MACROD1: variants seen among roughly 807,000 people sequenced by gnomAD.
MACROD1 encodes the protein mono-ADP ribosylhydrolase 1.
MACROD1 carries 31 observed loss-of-function variants against 41.4 expected under a neutral mutation model. The ratio of observed to expected loss-of-function variants is 0.75; its 90% CI spans 0.56 to 1.01. The LOEUF is 1.01. MACROD1 is among the 50% of genes least tolerant of loss of function. The pLI is 0.00. For missense variants in MACROD1, 473 were observed against 460.0 expected (o/e 1.03, Z -0.26); for synonymous variants, 252 against 203.4 (o/e 1.24, Z -2.03).
rs145818898 is a variant in MACROD1 at position 64,120,321 on chromosome 11, G to A, written c.517+30918C>T. Among the ~76,000 whole-genome samples the A allele has an allele frequency of 2.3e-4, 35 of 152,302 alleles. No individual in the cohort carries two copies. The highest frequency in any genetic ancestry group is 1.0e-3 in the South Asian group (5 of 4,822). ...AACTAGACGTGTTTTTCCTTTTCCT[G>A]CCTGAATCATTTTCTCACACAATAA... On this transcript the variant is annotated intron_variant, in intron 3 of 10. Coordinates refer to ENST00000255681, the MANE Select transcript of MACROD1 (RefSeq NM_014067.4). This position sits in a 1 kb window ranked among gnomAD's most constrained non-coding sequence, Gnocchi z 4.5.
intron 3 of MACROD1, among the ~76,000 whole-genome samples, chr11:64,037,270 G>T (rs532392651): frequency 1.5e-4 from 23 of 152,224 alleles, no homozygotes; most frequent in African/African-American, 3.9e-4. Context: ...GGCTGTCTGT[G>T]GGGGGGACCC....
intron 4 of MACROD1, among the ~76,000 whole-genome samples, chr11:64,005,024 T>TTATTTATTTATTTATTTATTTATG (rs1942887482): frequency 6.6e-6 from 1 of 151,188 alleles, no homozygotes; most frequent in Non-Finnish European, 1.5e-5. Flanking sequence ...AAGATCCACT[T>TTATTTATTTATTTATTTATTTATG]TATTTATTTA....
chr11:64,100,786 A>G (rs1208626987), intron 3 of MACROD1, among the ~76,000 whole-genome samples: 1 of 152,156 alleles, frequency 6.6e-6, no homozygotes, highest in Non-Finnish European at 1.5e-5. Flanking sequence ...CCACTTATCC[A>G]GGGCACAGAC....
intron 3 of MACROD1, among the ~76,000 whole-genome samples, chr11:64,087,797 C>T (rs1472538757): frequency 3.3e-5 from 5 of 152,208 alleles, no homozygotes; most frequent in Non-Finnish European, 7.3e-5. Context: ...GGACGCCTGC[C>T]CAGGGCTGGC....
At chr11:64,149,435 C>T (rs1243659557) in intron 3 of MACROD1, among the ~76,000 whole-genome samples, 3 of 152,152 alleles carry the variant, frequency 2.0e-5, no homozygotes, top group Non-Finnish European at 2.9e-5. Flanking sequence ...GGCACTAAAC[C>T]GCTTCTGATG....
intron 3 of MACROD1, among the ~76,000 whole-genome samples, chr11:64,056,304 A>G (rs1590847279): frequency 1.3e-5 from 2 of 152,166 alleles, no homozygotes; most frequent in East Asian, 3.9e-4. Context: ...TGCAGCCCCT[A>G]CACGTTTTGC....
chr11:64,127,844 T>C (rs572698839), intron 3 of MACROD1, among the ~76,000 whole-genome samples: 1 of 152,042 alleles, frequency 6.6e-6, no homozygotes, highest in Non-Finnish European at 1.5e-5. Context: ...GATGTACCCA[T>C]TACACTCACA....
chr11:63,999,440 TGGCCCCGCCCACTCCCCTGTCCGCCCC>T, intron 7 of MACROD1, 36 bp from the exon 8 acceptor site: 1 of 1,558,404 alleles, frequency 6.4e-7, no homozygotes. Context: ...TCCTAGGCTC[TGGCCCCGCCCACTCCCCTGTCCGCCCC>T]GGCCCCTCCC....
At chr11:64,020,096 G>C (rs932320404) in intron 3 of MACROD1, among the ~76,000 whole-genome samples, 1 of 152,142 alleles carries the variant, frequency 6.6e-6, no homozygotes, top group African/African-American at 2.4e-5. Context: ...GAACTTTTAG[G>C]TCAAAGACAA....
At chr11:64,114,601 G>A (rs1338301257) in intron 3 of MACROD1, among the ~76,000 whole-genome samples, 2 of 150,582 alleles carry the variant, frequency 1.3e-5, no homozygotes, top group African/African-American at 2.5e-5. Context: ...GAAGGATGGT[G>A]GACAGATGGA....
chr11:64,151,559 A>G (rs1023857407), intron 2 of MACROD1, among the ~76,000 whole-genome samples: 1 of 152,176 alleles, frequency 6.6e-6, no homozygotes, highest in Non-Finnish European at 1.5e-5. Context: ...GACTCCTTGC[A>G]TCTTCACAGC....
At chr11:64,066,784 C>T (rs554824192) in intron 3 of MACROD1, among the ~76,000 whole-genome samples, 74 of 152,316 alleles carry the variant, frequency 4.9e-4, no homozygotes, top group African/African-American at 1.6e-3. Context: ...TCAACTTAAT[C>T]CTAACAACTA....
intron 3 of MACROD1, among the ~76,000 whole-genome samples, chr11:64,097,426 G>C (rs1466114978): frequency 6.6e-6 from 1 of 152,188 alleles, no homozygotes; most frequent in Non-Finnish European, 1.5e-5. Context: ...CTCCGTCCTG[G>C]GCGAGTGGGC....
chr11:64,024,688 C>T (rs1590809847), intron 3 of MACROD1, among the ~76,000 whole-genome samples: 1 of 152,218 alleles, frequency 6.6e-6, no homozygotes, highest in East Asian at 1.9e-4. Context: ...GGCTGGTGAT[C>T]CAGGGAGCCT....
intron 1 of MACROD1, among the ~76,000 whole-genome samples, chr11:64,164,143 A>AT (rs553425556): frequency 9.2e-5 from 14 of 152,226 alleles, no homozygotes; most frequent in Non-Finnish European, 1.5e-4. Flanking sequence ...TACAAGCTCC[A>AT]TGAGGGCAGG....
chr11:64,039,296 C>T (rs1421910173), intron 3 of MACROD1, among the ~76,000 whole-genome samples: 1 of 152,110 alleles, frequency 6.6e-6, no homozygotes, highest in Admixed American at 6.5e-5. Flanking sequence ...GGGGACTGCC[C>T]CGGGGGTAGC....
intron 3 of MACROD1, among the ~76,000 whole-genome samples, chr11:64,048,420 C>G (rs1943627089): frequency 6.6e-6 from 1 of 152,196 alleles, no homozygotes; most frequent in African/African-American, 2.4e-5. Context: ...GCCCTGGACC[C>G]TCCGTTGGCC....
At chr11:64,030,791 C>T (rs554003353) in intron 3 of MACROD1, among the ~76,000 whole-genome samples, 2 of 151,922 alleles carry the variant, frequency 1.3e-5, no homozygotes, top group African/African-American at 2.4e-5. Context: ...GTGGCGGCAC[C>T]TGCAATTCCA....
intron 3 of MACROD1, among the ~76,000 whole-genome samples, chr11:64,048,899 A>G (rs61430628): frequency 0.14 from 21,782 of 152,210 alleles, 2,539 homozygotes; most frequent in East Asian, 0.43. Context: ...CTGTCCCCAC[A>G]GAGCTCCCAG....
Sources: allele counts gnomAD v4.1 joint callset (sites outside exome capture counted in the v4.1 genomes callset), GRCh38; gene constraint gnomAD v4.1.1; non-coding constraint Gnocchi (gnomAD v3.1); transcripts MANE v1.5; gene names NCBI Gene and HGNC (gene_info 2026-07-23, HGNC 2026-07-21).